RBFOX1: variants seen among roughly 807,000 people sequenced by gnomAD.
RBFOX1 encodes the protein RNA binding fox-1 homolog 1.
RBFOX1 carries 8 observed loss-of-function variants against 57.7 expected under a neutral mutation model. That is an observed-to-expected ratio of 0.14 (90% CI 0.08 to 0.25). RBFOX1 has a LOEUF of 0.25. Among genes scored for constraint, RBFOX1 ranks in the 10% least tolerant of loss-of-function variants. RBFOX1 has a pLI of 1.00. For synonymous variants in RBFOX1, 326 were observed against 222.4 expected, an observed-to-expected ratio of 1.47 and a Z score of -4.15; for missense variants, 611 against 548.5, an observed-to-expected ratio of 1.11 and a Z score of -1.14.
intron 1 of RBFOX1, chr16:5,366,666 C>T (rs2065725326): frequency 2.3e-6 from 1 of 427,996 alleles, no homozygotes; most frequent in Non-Finnish European, 4.5e-6. Context: ...TTCCCGATCT[C>T]TGGCAGTGGA....
chr16:6,641,142 C>T (rs975684867), intron 2 of RBFOX1, among the ~76,000 whole-genome samples: 5 of 152,152 alleles, frequency 3.3e-5, no homozygotes, highest in African/African-American at 9.7e-5. Flanking sequence ...ATGAAGGTGC[C>T]TATCAAAGTG....
At chr16:6,096,480 C>G (rs1276679046) in intron 1 of RBFOX1, among the ~76,000 whole-genome samples, 3 of 152,122 alleles carry the variant, frequency 2.0e-5, no homozygotes, top group Non-Finnish European at 4.4e-5. Context: ...CCCTGTAGAA[C>G]TTTGCGGATA....
chr16:6,445,115 C>G (rs552172499), intron 2 of RBFOX1, among the ~76,000 whole-genome samples: 1 of 152,034 alleles, frequency 6.6e-6, no homozygotes, highest in Non-Finnish European at 1.5e-5. Flanking sequence ...TGCAGAATGA[C>G]TTCTAGATGT....
At chr16:7,699,338 G>A (rs146333462) in intron 14 of RBFOX1, among the ~76,000 whole-genome samples, 45 of 152,238 alleles carry the variant, frequency 3.0e-4, no homozygotes, top group African/African-American at 9.4e-4. Flanking sequence ...AGTACAGGCA[G>A]GTGCTACCAC....
Position 6,509,884 on chromosome 16 carries a change from T to C in RBFOX1, c.-63-144719T>C. On this transcript the variant is annotated intron_variant, in intron 2 of 15. Transcript: ENST00000550418. ...GAAAAAACTGTAGGAGAAGTCAGAT[T>C]TGAGGAGATGTAAAATAAACTATAT... 1.3e-5 allele frequency among the ~76,000 whole-genome samples: 2 copies of C among 152,104 alleles called. 1 individual carries two copies. The highest frequency in any genetic ancestry group is 2.9e-5 in the Non-Finnish European group (2 of 68,022).
At chr16:5,404,258 A>G (rs2066801321) in intron 1 of RBFOX1, among the ~76,000 whole-genome samples, 1 of 152,178 alleles carries the variant, frequency 6.6e-6, no homozygotes, top group Non-Finnish European at 1.5e-5. Context: ...CAATCTGTGC[A>G]TGTAATACAA....
intron 4 of RBFOX1, among the ~76,000 whole-genome samples, chr16:7,292,220 T>C (rs1427392015): frequency 7.9e-6 from 1 of 126,458 alleles, no homozygotes; most frequent in East Asian, 2.1e-4. Flanking sequence ...ATATATGATA[T>C]ATGATATAGA....
intron 4 of RBFOX1, among the ~76,000 whole-genome samples, chr16:7,237,354 C>G (rs1387072947): frequency 2.0e-5 from 3 of 152,160 alleles, no homozygotes; most frequent in Admixed American, 6.5e-5. Flanking sequence ...TGGCCATGCC[C>G]TTAATTGAGT....
rs180675356 is a variant in RBFOX1, at chr16:6,562,524, A to G, written c.-63-92079A>G. The stretch of plus-strand genomic sequence containing the variant: ...AAGGGTGACTCAGTCCAGGTTTCCA[A>G]GTATTTAGTTTGGAAGTAAATGAAG... On this transcript the variant is annotated intron_variant, in intron 2 of 15. Coordinates refer to ENST00000550418, the MANE Select transcript of RBFOX1 (RefSeq NM_018723.4). 7.9e-4 allele frequency among the ~76,000 whole-genome samples: 120 copies of G among 152,344 alleles called. 1 individual carries two copies. The Middle Eastern group carries it at 0.01, about 13-fold the overall frequency.
intron 1 of RBFOX1, among the ~76,000 whole-genome samples, chr16:5,410,428 G>C (rs372909136): frequency 6.6e-6 from 1 of 152,058 alleles, no homozygotes; most frequent in African/African-American, 2.4e-5. Context: ...CCAGGGAAAG[G>C]TTTCCCAACA....
intron 4 of RBFOX1, among the ~76,000 whole-genome samples, chr16:7,441,490 G>C (rs746159172): frequency 1.3e-5 from 2 of 152,146 alleles, no homozygotes; most frequent in Non-Finnish European, 2.9e-5. Context: ...CTGGGTAGTG[G>C]TAAAAACTAA....
At chr16:6,697,479 A>C (rs1027904869) in intron 3 of RBFOX1, among the ~76,000 whole-genome samples, 2 of 152,212 alleles carry the variant, frequency 1.3e-5, no homozygotes, top group African/African-American at 4.8e-5. Context: ...AAGGAATCCA[A>C]AAACTAAATG....
intron 5 of RBFOX1, among the ~76,000 whole-genome samples, chr16:7,549,370 A>G (rs1317845290): frequency 6.6e-6 from 1 of 152,220 alleles, no homozygotes; most frequent in East Asian, 1.9e-4. Flanking sequence ...GTGTAATTCT[A>G]GGTGCAAGAG....
chr16:5,830,975 C>T (rs1452988905), intron 3 of RBFOX1, among the ~76,000 whole-genome samples: 1 of 150,202 alleles, frequency 6.7e-6, no homozygotes. Context: ...TATCCCCCCC[C>T]AACTCTGTTT....
chr16:7,323,342 T>A (rs2096570030), intron 4 of RBFOX1, among the ~76,000 whole-genome samples: 1 of 152,192 alleles, frequency 6.6e-6, no homozygotes, highest in African/African-American at 2.4e-5. Flanking sequence ...GAGGATTGTT[T>A]GAGCCCAGGA....
chr16:5,949,788 T>G (rs1207777772), intron 4 of RBFOX1, among the ~76,000 whole-genome samples: 1 of 152,174 alleles, frequency 6.6e-6, no homozygotes, highest in African/African-American at 2.4e-5. Flanking sequence ...TTCTTTGGCC[T>G]CATCCCAAGC....
chr16:7,298,255 T>G (rs1488010112), intron 4 of RBFOX1, among the ~76,000 whole-genome samples: 1 of 151,452 alleles, frequency 6.6e-6, no homozygotes, highest in African/African-American at 2.4e-5. Context: ...CCCACCACAA[T>G]GTAGAAAATT....
At chr16:7,644,861 C>G (rs1231445462) in intron 11 of RBFOX1, among the ~76,000 whole-genome samples, 2 of 152,074 alleles carry the variant, frequency 1.3e-5, no homozygotes, top group East Asian at 3.9e-4. Context: ...GAGGTAAAGC[C>G]TTTGGAGGGA....
At chr16:6,130,039 A>G (rs1240862139) in intron 1 of RBFOX1, among the ~76,000 whole-genome samples, 1 of 152,196 alleles carries the variant, frequency 6.6e-6, no homozygotes, top group Non-Finnish European at 1.5e-5. Flanking sequence ...ACATGATCAA[A>G]TATGAAAGGA....
Sources: allele counts gnomAD v4.1 joint callset (sites outside exome capture counted in the v4.1 genomes callset), GRCh38; gene constraint gnomAD v4.1.1; transcripts MANE v1.5; gene names NCBI Gene and HGNC (gene_info 2026-07-23, HGNC 2026-07-21).